Variants in EPB41L4B observed in about 807,000 individuals in gnomAD.
The protein encoded by EPB41L4B is band 4.1-like protein 4B.
In EPB41L4B, 30 loss-of-function variants were observed where a neutral mutation model predicts 112.5. The observed-to-expected ratio is 0.27, with a 90% CI of 0.20 to 0.36. The LOEUF (loss-of-function observed/expected upper bound fraction) is 0.36, where lower values mean the gene tolerates loss of function less well. Ranked by LOEUF, EPB41L4B falls within the 10% of genes least tolerant of loss-of-function variation. The pLI is 1.00. For missense variants in EPB41L4B, 1,024 were observed against 1,133.3 expected, an observed-to-expected ratio of 0.90 and a Z score of 1.38; for synonymous variants, 408 against 439.7, an observed-to-expected ratio of 0.93 and a Z score of 0.90.
At chr9:109,291,178 G>T (rs77905347) in intron 1 of EPB41L4B, among the ~76,000 whole-genome samples, 11,234 of 152,206 alleles carry the variant, frequency 0.074, 585 homozygotes, top group Middle Eastern at 0.16. Context: ...TATAATAGGG[G>T]CCCAGCCTTC....
chr9:109,281,683 CATAAATAAATAAATAA>C (rs201132051), intron 1 of EPB41L4B, among the ~76,000 whole-genome samples: 31 of 138,616 alleles, frequency 2.2e-4, no homozygotes, highest in Admixed American at 1.7e-3. Flanking sequence ...GACTCCGTCT[CATAAATAAATAAATAA>C]ATAAATAAAT....
chr9:109,241,405 G>T, intron 15 of EPB41L4B: 1 of 1,223,166 alleles, frequency 8.2e-7, no homozygotes, highest in Non-Finnish European at 1.0e-6. Flanking sequence ...CATAGACTTT[G>T]ACTCCAATTT....
chr9:109,256,526 C>A (rs370238435), intron 7 of EPB41L4B, 46 bp from the exon 8 acceptor site: 20 of 1,553,416 alleles, frequency 1.3e-5, no homozygotes, highest in Non-Finnish European at 1.7e-5. Flanking sequence ...ACTCGTAAGC[C>A]CACAGGATTC....
intron 15 of EPB41L4B, among the ~76,000 whole-genome samples, chr9:109,228,355 G>C (rs751779719): frequency 1.6e-4 from 24 of 152,066 alleles, no homozygotes; most frequent in Non-Finnish European, 3.4e-4. Flanking sequence ...CAGCTTATCA[G>C]CCTAGTTTTT....
chr9:109,218,123 A>ATAATT (rs1424661358), intron 15 of EPB41L4B, among the ~76,000 whole-genome samples: 21 of 79,674 alleles, frequency 2.6e-4, no homozygotes, highest in South Asian at 4.4e-4. Context: ...AATACTAATA[A>ATAATT]TTCTTTTTTT....
chr9:109,319,529 G>A (rs555050947), intron 1 of EPB41L4B, among the ~76,000 whole-genome samples: 2 of 152,326 alleles, frequency 1.3e-5, no homozygotes, highest in Non-Finnish European at 2.9e-5. Flanking sequence ...AGGAGGCTGC[G>A]GGGCAGATGG....
chr9:109,195,678 G>T (rs544110051), intron 20 of EPB41L4B, among the ~76,000 whole-genome samples: 7 of 152,278 alleles, frequency 4.6e-5, no homozygotes, highest in African/African-American at 1.7e-4. Flanking sequence ...TTAAGTGGAG[G>T]AGCGGGGTTA....
At chr9:109,175,552 T>C (rs1340624526) in intron 25 of EPB41L4B, among the ~76,000 whole-genome samples, 1 of 149,790 alleles carries the variant, frequency 6.7e-6, no homozygotes, top group Non-Finnish European at 1.5e-5. Context: ...TAGTTAGAGA[T>C]GGGGCCTTGC....
intron 1 of EPB41L4B, among the ~76,000 whole-genome samples, chr9:109,299,186 T>C (rs1204494213): frequency 1.3e-5 from 2 of 152,226 alleles, no homozygotes; most frequent in Admixed American, 6.5e-5. Flanking sequence ...GATCTTCCAA[T>C]CTTTCAAGGA....
intron 1 of EPB41L4B, among the ~76,000 whole-genome samples, chr9:109,317,237 C>G (rs1837668114): frequency 6.6e-6 from 1 of 152,220 alleles, no homozygotes; most frequent in East Asian, 1.9e-4. Context: ...AACAACTGGC[C>G]TGTGGCTTTG....
chr9:109,300,390 C>T (rs1030671362), intron 1 of EPB41L4B: 5 of 152,152 alleles, frequency 3.3e-5, no homozygotes, highest in Non-Finnish European at 7.3e-5. Context: ...ATCAATTGCT[C>T]ACATAGGTTG....
At chr9:109,184,705 G>C (rs1832192535) in intron 23 of EPB41L4B, among the ~76,000 whole-genome samples, 1 of 152,160 alleles carries the variant, frequency 6.6e-6, no homozygotes, top group African/African-American at 2.4e-5. Flanking sequence ...CTTTAGAAAG[G>C]GGGCAAAAGC....
chr9:109,208,426 T>C (rs568080367), intron 17 of EPB41L4B, among the ~76,000 whole-genome samples: 1 of 152,324 alleles, frequency 6.6e-6, no homozygotes, highest in East Asian at 1.9e-4. Context: ...TTCAATTCTG[T>C]GACTTGTTGG....
At chr9:109,293,329 C>A (rs1267247331) in intron 1 of EPB41L4B, among the ~76,000 whole-genome samples, 2 of 151,250 alleles carry the variant, frequency 1.3e-5, no homozygotes, top group African/African-American at 4.9e-5. Flanking sequence ...ATGACGTTAA[C>A]TTAGGTTTCA....
rs1837841598 is a variant in EPB41L4B at position 109,320,675 on chromosome 9, C to T, written c.-229G>A. On this transcript the variant is annotated 5_prime_UTR_variant, in exon 1 of 26. Transcript: ENST00000374566. ...AGCGCCGGCTGCGAGTGGCCGCAGG[C>T]GGGAGGGCGCGCTCGGGGCCGTCCC... 6.9e-6 allele frequency: 1 copy of T among 145,122 alleles called. No individual in the cohort carries two copies. Among genetic ancestry groups the T allele is most frequent in the Non-Finnish European group, 1.5e-5 (1 of 65,736 alleles). 9.0% of individuals were successfully genotyped at this position (145,122 alleles called of 1,614,324 possible).
rs927311926 is a variant in EPB41L4B, at chr9:109,203,316, T to C, written c.1946+347A>G. On this transcript the variant is annotated intron_variant, in intron 19 of 25. Coordinates refer to ENST00000374566, the MANE Select transcript of EPB41L4B (RefSeq NM_019114.5). ...CCAGGTCTTGAAGGGCCTGGCCTCC[T>C]GCACTCTGTTAAGGAGTTGGGATTC... Among the ~76,000 whole-genome samples, 12 of 152,310 alleles carry C rather than the reference T, an allele frequency of 7.9e-5. No homozygotes were observed. In the South Asian group the frequency reaches 1.2e-3, roughly 16 times the overall value.
intron 15 of EPB41L4B, among the ~76,000 whole-genome samples, chr9:109,232,638 ACATTATT>A (rs1291549707): frequency 6.6e-6 from 1 of 152,176 alleles, no homozygotes; most frequent in Non-Finnish European, 1.5e-5. Context: ...TGAAATTAAA[ACATTATT>A]CATCCCGGAA....
intron 15 of EPB41L4B, among the ~76,000 whole-genome samples, chr9:109,224,556 G>T (rs529695877): frequency 6.4e-4 from 98 of 152,298 alleles, no homozygotes; most frequent in Non-Finnish European, 1.2e-3. Flanking sequence ...TGGACGGGGG[G>T]AAGGGGGAGT....
At chr9:109,198,412 C>G (rs778170164) in intron 20 of EPB41L4B, among the ~76,000 whole-genome samples, 5 of 152,306 alleles carry the variant, frequency 3.3e-5, no homozygotes, top group Middle Eastern at 3.4e-3. Context: ...ATTATCTCAT[C>G]CATTTTACAG....
Sources: gnomAD v4.1 joint callset for allele counts (sites outside exome capture counted in the v4.1 genomes callset) on GRCh38, gnomAD v4.1.1 for gene constraint, MANE v1.5 for transcripts, NCBI Gene and HGNC (gene_info 2026-07-23, HGNC 2026-07-21) for gene names.